FGD6: variants seen among roughly 807,000 people sequenced by gnomAD.
FGD6 encodes FYVE, RhoGEF and PH domain-containing protein 6.
A neutral mutation model predicts 149.4 loss-of-function variants in FGD6; 90 were observed. The ratio of observed to expected loss-of-function variants is 0.60; its 90% confidence interval spans 0.51 to 0.72. The LOEUF is 0.72. Ranked by LOEUF, FGD6 falls within the 30% of genes least tolerant of loss-of-function variation. The pLI is 0.00. For missense variants in FGD6, 1,437 were observed against 1,684.8 expected, an observed-to-expected ratio of 0.85 and a Z score of 2.57; for synonymous variants, 527 against 584.0, an observed-to-expected ratio of 0.90 and a Z score of 1.41.
intron 1 of FGD6, among the ~76,000 whole-genome samples, chr12:95,213,251 C>T (rs2056736984): frequency 6.6e-6 from 1 of 152,060 alleles, no homozygotes; most frequent in African/African-American, 2.4e-5. Context: ...TCAAAACATC[C>T]TACCTCTGGG....
At position 95,172,755 on chromosome 12, in the gene FGD6, C is replaced by T. The variant is rs769109301; in HGVS notation, c.2442-11G>A. 3.2e-6 allele frequency: 5 copies of T among 1,568,914 alleles called. No homozygotes were observed. The highest frequency in any genetic ancestry group is 4.3e-6 in the Non-Finnish European group (5 of 1,153,156). ...TGGGATGCTCCTGAACTGCATTCAA[C>T]AGAAAGCAGGTATTAGTCACCTTCA... is the stretch of plus-strand genomic sequence containing the variant. On this transcript the variant is annotated splice_polypyrimidine_tract_variant and intron_variant, in intron 2 of 20. Coordinates refer to ENST00000343958, the MANE Select transcript of FGD6 (RefSeq NM_018351.4).
chr12:95,100,260 G>T (rs537405963), intron 14 of FGD6, among the ~76,000 whole-genome samples: 1 of 152,230 alleles, frequency 6.6e-6, no homozygotes, highest in African/African-American at 2.4e-5. Context: ...TCCTGGACAG[G>T]GTAGGTGATG....
intron 2 of FGD6, among the ~76,000 whole-genome samples, chr12:95,196,791 C>A (rs2136296941): frequency 6.6e-6 from 1 of 151,774 alleles, no homozygotes; most frequent in Non-Finnish European, 1.5e-5. Flanking sequence ...AGGTACATGC[C>A]ACCATGCCTG....
At chr12:95,093,729 G>A (rs1225698153) in intron 15 of FGD6, among the ~76,000 whole-genome samples, 1 of 150,476 alleles carries the variant, frequency 6.6e-6, no homozygotes, top group Non-Finnish European at 1.5e-5. Flanking sequence ...CGTGCCTGTA[G>A]TCCCAGCTAC....
intron 9 of FGD6, among the ~76,000 whole-genome samples, chr12:95,109,493 TAG>T (rs1383496652): frequency 6.7e-6 from 1 of 149,680 alleles, no homozygotes; most frequent in East Asian, 1.9e-4. Context: ...GAAAAACTGG[TAG>T]AGTGTTAGAG....
At chr12:95,083,169 T>C (rs1877755495) in intron 20 of FGD6, among the ~76,000 whole-genome samples, 1 of 150,930 alleles carries the variant, frequency 6.6e-6, no homozygotes. Context: ...TTTTCAAAAA[T>C]TTAATATTGA....
At chr12:95,103,378 C>T (rs753769960) in intron 14 of FGD6, among the ~76,000 whole-genome samples, 2 of 152,184 alleles carry the variant, frequency 1.3e-5, no homozygotes, top group South Asian at 2.1e-4. Context: ...TACCCACTTC[C>T]GCCACTCAGT....
At chr12:95,162,493 C>T (rs990371655) in intron 3 of FGD6, among the ~76,000 whole-genome samples, 1 of 152,114 alleles carries the variant, frequency 6.6e-6, no homozygotes, top group African/African-American at 2.4e-5. Flanking sequence ...CGCCACTGTA[C>T]TCTCCAGCCT....
At chr12:95,199,172 T>C (rs1881802249) in intron 2 of FGD6, among the ~76,000 whole-genome samples, 1 of 152,190 alleles carries the variant, frequency 6.6e-6, no homozygotes, top group Admixed American at 6.5e-5. Context: ...AGCTCCAGGC[T>C]GGAGCTCTGG....
At chr12:95,136,829 T>C (rs1592847327) in intron 7 of FGD6, among the ~76,000 whole-genome samples, 2 of 152,202 alleles carry the variant, frequency 1.3e-5, no homozygotes, top group African/African-American at 4.8e-5. Context: ...TTAATGCCTA[T>C]AGAGCTTCAG....
At chr12:95,131,135 G>A (rs1203879283) in intron 8 of FGD6, among the ~76,000 whole-genome samples, 1 of 147,534 alleles carries the variant, frequency 6.8e-6, no homozygotes, top group African/African-American at 2.5e-5. Flanking sequence ...TTTTTGAGAG[G>A]GAGGTTGCTC....
Position 95,105,059 on chromosome 12 carries a change from G to C in FGD6, c.3445C>G (p.Gln1149Glu), listed in dbSNP as rs760929129. 7.5e-6 allele frequency: 12 copies of C among 1,610,606 alleles called. No homozygotes were observed. In the East Asian group the frequency reaches 2.7e-4, roughly 36 times the overall value. Residue 1149 changes from glutamine to glutamate, a missense_variant, in exon 14 of 21, where the codon CAG becomes GAG. By Grantham distance (29) the Gln-to-Glu change is conservative. Transcript: ENST00000343958. ...KVRKPTQEAY[Q>E]NELKIESVER... ...ACACTTTCAATCTTTAATTCATTCT[G>C]ATAGGCTTCTTGGGTAGGTTTTCTG...
chr12:95,101,674 GAACT>G (rs1255641442), intron 14 of FGD6, among the ~76,000 whole-genome samples: 12 of 134,248 alleles, frequency 8.9e-5, no homozygotes, highest in African/African-American at 3.0e-4. Context: ...AATGTTCTTT[GAACT>G]TTCTTTTTTT....
At chr12:95,113,015 T>C (rs992293019) in intron 9 of FGD6, among the ~76,000 whole-genome samples, 15 of 152,074 alleles carry the variant, frequency 9.9e-5, no homozygotes, top group Non-Finnish European at 1.8e-4. Flanking sequence ...GGAAACTGAA[T>C]ATGGCACGGG....
At chr12:95,134,143 GT>G (rs1185881166) in intron 8 of FGD6, among the ~76,000 whole-genome samples, 1 of 151,764 alleles carries the variant, frequency 6.6e-6, no homozygotes, top group African/African-American at 2.4e-5. Flanking sequence ...CATTATTCCT[GT>G]TTTTTTTAGA....
Position 95,192,238 on chromosome 12 carries a change from C to T in FGD6, c.2441+16605G>A, listed in dbSNP as rs1467149737. On this transcript the variant is annotated intron_variant, in intron 2 of 20. Transcript: ENST00000343958. ...TCCATGGGTGTGCAACTGATGAATA[C>T]AAAGAGCAGAATGTACATGTATTTT... Among the ~76,000 whole-genome samples the T allele has an allele frequency of 2.0e-5, 3 of 152,086 alleles. No homozygotes were observed. The East Asian group carries it at 5.8e-4, about 29-fold the overall frequency.
chr12:95,179,049 T>C (rs1881208403), intron 2 of FGD6, among the ~76,000 whole-genome samples: 1 of 152,154 alleles, frequency 6.6e-6, no homozygotes. Context: ...GGTGACTCTG[T>C]TAGGGTAAAA....
chr12:95,166,125 A>G (rs1207350434), intron 3 of FGD6, among the ~76,000 whole-genome samples: 1 of 151,930 alleles, frequency 6.6e-6, no homozygotes, highest in Non-Finnish European at 1.5e-5. Context: ...ACAAGGTCTC[A>G]CTATGTTGCC....
rs1013150389 is a variant in FGD6, at chr12:95,077,402, T to C, written c.*4118A>G. 1 of 152,260 alleles carries C rather than the reference T, an allele frequency of 6.6e-6. No individual in the cohort carries two copies. The highest frequency in any genetic ancestry group is 1.5e-5 in the Non-Finnish European group (1 of 68,108). 9.4% of individuals were successfully genotyped at this position (152,260 alleles called of 1,614,324 possible). On this transcript the variant is annotated 3_prime_UTR_variant, in exon 21 of 21. Transcript: ENST00000343958. ...GGAGAGAAAGACTAAGGGTCAGCTATCACAGAGAAGTCTTGGATAAACAGA... is the reference window on the plus strand; with the variant it reads ...GGAGAGAAAGACTAAGGGTCAGCTACCACAGAGAAGTCTTGGATAAACAGA...
Sources: gnomAD v4.1 joint callset for allele counts (sites outside exome capture counted in the v4.1 genomes callset) on GRCh38, gnomAD v4.1.1 for gene constraint, MANE v1.5 for transcripts, NCBI Gene and HGNC (gene_info 2026-07-23, HGNC 2026-07-21) for gene names.